The following PIK3R6 variants were observed in gnomAD, a reference collection of about 807,000 sequenced individuals.
The protein encoded by PIK3R6 is phosphoinositide-3-kinase regulatory subunit 6, also known as phosphoinositide 3-kinase regulatory subunit 6.
Under a neutral mutation model 84.9 loss-of-function variants are expected in PIK3R6, and 91 were observed. The observed-to-expected ratio is 1.07, with a 90% CI of 0.90 to 1.28. The LOEUF (loss-of-function observed/expected upper bound fraction) is 1.28. Among genes scored for constraint, PIK3R6 ranks in the 50% most tolerant of loss-of-function variants. PIK3R6 has a pLI of 0.00. For missense variants in PIK3R6, 996 were observed against 985.1 expected (o/e 1.01, Z -0.15); for synonymous variants, 416 against 411.4 (o/e 1.01, Z -0.13).
In PIK3R6 at chr17:8,803,483, T is replaced by A. The variant is rs1567558349; in HGVS notation, c.2109-54A>T. On this transcript the variant is annotated intron_variant, in intron 19 of 19. Coordinates refer to ENST00000619866, the MANE Select transcript of PIK3R6 (RefSeq NM_001010855.4). The surrounding 1 kb of genome is among the most constrained non-coding windows in gnomAD (Gnocchi z 5.0). ...GACCCATCTGAGGGATCAGATTGCCTAGGGCATTTGAAAGGCAGAGCTGTT... is the reference window on the plus strand; with the variant it reads ...GACCCATCTGAGGGATCAGATTGCCAAGGGCATTTGAAAGGCAGAGCTGTT... The A allele has an allele frequency of 2.0e-6, 3 of 1,524,858 alleles. No homozygotes were observed. Among genetic ancestry groups the A allele is most frequent in the Non-Finnish European group, 2.7e-6 (3 of 1,130,568 alleles). 94.5% of individuals were successfully genotyped at this position (1,524,858 alleles called of 1,614,324 possible).
At chr17:8,834,039 C>T (rs1343167945) in intron 8 of PIK3R6, among the ~76,000 whole-genome samples, 1 of 151,328 alleles carries the variant, frequency 6.6e-6, no homozygotes, top group African/African-American at 2.4e-5. Context: ...GCCTGTAGTC[C>T]CAGCTACTCA....
Position 8,803,353 on chromosome 17 carries a change from G to A in PIK3R6, c.2185C>T (p.Gln729Ter). ...SKAPWLNLHG[Q>*]QEVEAIKAKP... ...GCTTTGATTGCTTCCACCTCCTGTT[G>A]CCCATGCAAATTGAGCCACGGTGCC... Residue 729 changes from glutamine (Q) to a stop codon, truncating the protein, a stop_gained, in exon 20 of 20, where the codon CAA becomes TAA. Transcript: ENST00000619866. LOFTEE classifies it high-confidence loss of function. The surrounding 1 kb of genome is among the most constrained non-coding windows in gnomAD (Gnocchi z 5.0). 3 of 1,613,678 alleles carry A rather than the reference G, an allele frequency of 1.9e-6. No individual in the cohort carries two copies. The highest frequency in any genetic ancestry group is 2.5e-6 in the Non-Finnish European group (3 of 1,179,836).
chr17:8,820,645 G>A (rs2087704743), intron 17 of PIK3R6, among the ~76,000 whole-genome samples: 1 of 152,200 alleles, frequency 6.6e-6, no homozygotes, highest in Admixed American at 6.5e-5. Flanking sequence ...AGTTTTATAT[G>A]TCATCCACAA....
At chr17:8,835,915 C>A (rs1482508052) in intron 7 of PIK3R6, among the ~76,000 whole-genome samples, 1 of 152,144 alleles carries the variant, frequency 6.6e-6, no homozygotes, top group Non-Finnish European at 1.5e-5. Flanking sequence ...CACTGTGTCT[C>A]CCCACCTCTC....
chr17:8,823,895 G>A (rs967665394), intron 13 of PIK3R6, among the ~76,000 whole-genome samples: 4 of 152,172 alleles, frequency 2.6e-5, no homozygotes, highest in African/African-American at 4.8e-5. Flanking sequence ...TATGAGGCCC[G>A]AGTGTCCTTC....
chr17:8,823,590 T>C (rs1202082348), intron 13 of PIK3R6, 93 bp from the exon 14 acceptor site: 3 of 841,314 alleles, frequency 3.6e-6, no homozygotes, highest in Non-Finnish European at 5.9e-6. Flanking sequence ...AGCCCCTACA[T>C]CTCTGGGATG....
At chr17:8,815,289 C>T (rs758428936) in intron 18 of PIK3R6, among the ~76,000 whole-genome samples, 2 of 152,142 alleles carry the variant, frequency 1.3e-5, no homozygotes, top group African/African-American at 2.4e-5. Flanking sequence ...AGGCGGACCA[C>T]GAGGCCAAGA....
intron 1 of PIK3R6, among the ~76,000 whole-genome samples, chr17:8,853,512 T>C (rs185940722): frequency 1.5e-4 from 22 of 146,230 alleles, no homozygotes; most frequent in Non-Finnish European, 3.2e-4. Flanking sequence ...ATAATAATAA[T>C]AATAAAATAA....
Position 8,829,454 on chromosome 17 carries a change from C to CCA in PIK3R6, c.889+250_889+251dup, listed in dbSNP as rs770578171. Among the ~76,000 whole-genome samples, 89 of 137,996 alleles carry CCA rather than the reference C, an allele frequency of 6.4e-4. 1 individual carries two copies. Among genetic ancestry groups the CCA allele is most frequent in the Non-Finnish European group, 2.0e-4 (13 of 64,676 alleles). The allele number at this position is 137,996 out of a possible 152,430, so 90.5% of individuals were successfully genotyped here. Reference sequence around the variant, plus strand: ...CATGGATACACACACTGACACGCATCCACACACATACACTGACACACACTC... The same window carrying CCA: ...CATGGATACACACACTGACACGCATCCACACACACATACACTGACACACACTC... On this transcript the variant is annotated intron_variant, in intron 10 of 19. Transcript: ENST00000619866.
At chr17:8,832,375 C>CTTTTTTTTTT (rs759188865) in intron 9 of PIK3R6, among the ~76,000 whole-genome samples, 16 of 77,812 alleles carry the variant, frequency 2.1e-4, no homozygotes, top group South Asian at 5.4e-4. Context: ...TACCCACCTT[C>CTTTTTTTTTT]TTTTTTTTTT....
chr17:8,806,739 C>T (rs569652264), intron 18 of PIK3R6, among the ~76,000 whole-genome samples: 38 of 152,332 alleles, frequency 2.5e-4, no homozygotes, highest in African/African-American at 7.9e-4. Context: ...CACTTCTGTT[C>T]TATTTCAAAC....
chr17:8,811,313 C>A (rs145705364), intron 18 of PIK3R6, among the ~76,000 whole-genome samples: 1 of 148,366 alleles, frequency 6.7e-6, no homozygotes, highest in Non-Finnish European at 1.5e-5. Flanking sequence ...CCATTTTTTC[C>A]TCCTAGGTCT....
chr17:8,853,349 G>A (rs1597436142), intron 1 of PIK3R6, among the ~76,000 whole-genome samples: 1 of 151,286 alleles, frequency 6.6e-6, no homozygotes, highest in Non-Finnish European at 1.5e-5. Flanking sequence ...GCCAGGGGTG[G>A]TGGCGGGTGC....
At chr17:8,827,781 AG>A (rs1597397021) in intron 12 of PIK3R6, among the ~76,000 whole-genome samples, 1 of 133,520 alleles carries the variant, frequency 7.5e-6, no homozygotes, top group East Asian at 2.1e-4. Context: ...AGAGAGAGAG[AG>A]AGAGAGAGAG....
chr17:8,847,357 T>C (rs1489376595), intron 2 of PIK3R6, among the ~76,000 whole-genome samples: 1 of 152,240 alleles, frequency 6.6e-6, no homozygotes, highest in East Asian at 1.9e-4. Context: ...TACTCCTGTT[T>C]GCAGGCATGG....
rs776843716 is a variant in PIK3R6 at position 8,844,129 on chromosome 17, C to T, written c.14-4432G>A. 1.2e-4 allele frequency among the ~76,000 whole-genome samples: 19 copies of T among 152,232 alleles called. No individual in the cohort carries two copies. The highest frequency in any genetic ancestry group is 2.1e-4 in the Non-Finnish European group (14 of 68,038). The stretch of plus-strand genomic sequence containing the variant: ...GATGAAGGCCGCTAAGCACTGAGCC[C>T]TGTGCCTCTGATGCCACAGCAAAGG... On this transcript the variant is annotated intron_variant, in intron 2 of 19. Transcript: ENST00000619866. The surrounding 1 kb of genome is among the most constrained non-coding windows in gnomAD (Gnocchi z 4.5).
rs567815289 is a variant in PIK3R6, at chr17:8,832,989, C to T, written c.702G>A (p.Glu234=). The change falls in exon 9 of 20, where the codon GAG becomes GAA. Residue 234 remains glutamate, a synonymous_variant. Transcript: ENST00000619866. ...TCGGGCTGGCCTCGCTGGCCATCTG[C>T]TCCAAGGCGGCCACCACGGCGTGGA... ...HYFHAVVAAL[E]QMASEASPSR... is the part of the protein sequence containing the mutation. 8.1e-6 allele frequency: 13 copies of T among 1,611,528 alleles called. No homozygotes were observed. The South Asian group carries it at 9.9e-5, about 12-fold the overall frequency.
rs1027772324 is a variant in PIK3R6, at chr17:8,837,981, G to A, written c.190-110C>T. ...CAGGAGATGGGGTGGAAGGCAGCCA[G>A]GGGGAGAGCAAAGGGCCATTGTCTG... On this transcript the variant is annotated intron_variant, in intron 4 of 19. Transcript: ENST00000619866. The A allele has an allele frequency of 1.7e-4, 150 of 895,290 alleles. 1 individual carries two copies. The East Asian group carries it at 3.4e-3, about 20-fold the overall frequency. 55.5% of individuals were successfully genotyped at this position (895,290 alleles called of 1,614,324 possible). A position where few individuals can be genotyped will look rare whatever the true frequency, so the allele number is the denominator to read the frequency against.
intron 2 of PIK3R6, among the ~76,000 whole-genome samples, chr17:8,840,081 A>G (rs1289867280): frequency 2.0e-5 from 3 of 151,492 alleles, no homozygotes; most frequent in African/African-American, 7.3e-5. Flanking sequence ...TATATGAAAT[A>G]TATATATCCT....
Sources: allele counts gnomAD v4.1 joint callset (sites outside exome capture counted in the v4.1 genomes callset), GRCh38; gene constraint gnomAD v4.1.1; non-coding constraint Gnocchi (gnomAD v3.1); transcripts MANE v1.5; gene names NCBI Gene and HGNC (gene_info 2026-07-23, HGNC 2026-07-21).